The following LAMB1 variants were observed in gnomAD, a reference collection of about 807,000 sequenced individuals.
LAMB1 encodes laminin subunit beta-1.
In LAMB1, 121 loss-of-function variants were observed where a neutral mutation model predicts 222.3. The ratio of observed to expected loss-of-function variants is 0.54; its 90% CI spans 0.47 to 0.63. LAMB1 has a LOEUF of 0.63. LAMB1 is among the 30% of genes least tolerant of loss of function. LAMB1 has a pLI of 0.00. For missense variants in LAMB1, 2,172 were observed against 2,240.8 expected (o/e 0.97, Z 0.62); for synonymous variants, 794 against 807.2 (o/e 0.98, Z 0.28).
At chr7:107,984,731 T>C (rs892700525) in intron 7 of LAMB1, among the ~76,000 whole-genome samples, 1 of 152,228 alleles carries the variant, frequency 6.6e-6, no homozygotes, top group Admixed American at 6.5e-5. Context: ...TAAATTTGAA[T>C]TGCAGATAAA....
chr7:107,954,318 C>A (rs2033328553), intron 21 of LAMB1, among the ~76,000 whole-genome samples: 1 of 150,270 alleles, frequency 6.7e-6, no homozygotes, highest in Non-Finnish European at 1.5e-5. Flanking sequence ...CTACACCTGA[C>A]TAATTTTGTA....
In LAMB1 at chr7:107,959,966, C is replaced by T. The variant is rs574359179; in HGVS notation, c.2315-132G>A. The T allele has an allele frequency of 1.4e-4, 180 of 1,264,550 alleles. 1 individual carries two copies. The Admixed American group carries it at 1.9e-3, about 13-fold the overall frequency. The allele number at this position is 1,264,550 out of a possible 1,614,324, so 78.3% of individuals were successfully genotyped here. ...AAAACAGTATCATCCCTATGATGAG[C>T]GGAAGGGAAGAAAGGGGAGGCAGAG... On this transcript the variant is annotated intron_variant, in intron 18 of 33. Coordinates refer to ENST00000222399, the MANE Select transcript of LAMB1 (RefSeq NM_002291.3).
chr7:107,941,978 A>T (rs984404124), intron 24 of LAMB1: 2 of 146,662 alleles, frequency 1.4e-5, no homozygotes, highest in Non-Finnish European at 3.0e-5. Flanking sequence ...TTGGGTCAAT[A>T]GCTGTGATTT....
intron 31 of LAMB1, among the ~76,000 whole-genome samples, chr7:107,927,767 C>G (rs948921460): frequency 6.6e-6 from 1 of 152,118 alleles, no homozygotes; most frequent in Non-Finnish European, 1.5e-5. Context: ...AACAAATAGC[C>G]TGAAGAAAAA....
intron 31 of LAMB1, 139 bp downstream of exon 31, chr7:107,928,925 A>G (rs2032635785): frequency 4.8e-6 from 4 of 825,942 alleles, no homozygotes; most frequent in Non-Finnish European, 5.9e-6. Context: ...CATCCATGCT[A>G]ACGGAGTAGT....
rs2032492277 is a variant in LAMB1, at chr7:107,923,994, TTTAGGA to T, written c.5312_5317del (p.Leu1771_Lys1773delinsGln). ...CACAGCAACTTTCTGGCTTATATCC[TTTAGGA>T]GTGAACGGACTTCTCCTTCCAGTCT... On this transcript the variant is annotated inframe_deletion, in exon 34 of 34. Coordinates refer to ENST00000222399, the MANE Select transcript of LAMB1 (RefSeq NM_002291.3). 3 of 1,607,084 alleles carry T rather than the reference TTTAGGA, an allele frequency of 1.9e-6. No individual in the cohort carries two copies. Among genetic ancestry groups the T allele is most frequent in the Non-Finnish European group, 2.5e-6 (3 of 1,178,400 alleles).
At chr7:107,941,738 T>C (rs2032986438) in intron 24 of LAMB1, among the ~76,000 whole-genome samples, 1 of 145,832 alleles carries the variant, frequency 6.9e-6, no homozygotes, top group East Asian at 2.1e-4. Flanking sequence ...CACTGCAACC[T>C]CTGCCTCCTG....
At chr7:107,997,594 C>T (rs1204315485) in intron 4 of LAMB1, among the ~76,000 whole-genome samples, 1 of 152,116 alleles carries the variant, frequency 6.6e-6, no homozygotes, top group Non-Finnish European at 1.5e-5. Context: ...GGGTTAGGTT[C>T]ACTTCTTTGA....
At chr7:107,995,900 A>G (rs1345860939) in intron 4 of LAMB1, among the ~76,000 whole-genome samples, 1 of 152,014 alleles carries the variant, frequency 6.6e-6, no homozygotes, top group Non-Finnish European at 1.5e-5. Context: ...AATCAGGAGG[A>G]CCTTTTGAAA....
At chr7:107,926,838 T>G (rs2032578366) in intron 31 of LAMB1, among the ~76,000 whole-genome samples, 1 of 152,198 alleles carries the variant, frequency 6.6e-6, no homozygotes, top group South Asian at 2.1e-4. Context: ...ACTAGGGATG[T>G]TCTTTGAATT....
intron 7 of LAMB1, among the ~76,000 whole-genome samples, chr7:107,984,354 T>C (rs2034032596): frequency 6.6e-6 from 1 of 152,198 alleles, no homozygotes; most frequent in Non-Finnish European, 1.5e-5. Flanking sequence ...GTTCAAGCGA[T>C]TCTCCTGCCT....
intron 24 of LAMB1, 39 bp from the exon 25 acceptor site, chr7:107,940,397 C>G: frequency 2.5e-6 from 4 of 1,577,336 alleles, no homozygotes; most frequent in Non-Finnish European, 8.7e-7. Context: ...TCTACTTAAT[C>G]ATGAACCTCA....
At chr7:107,924,865 AAGTG>A (rs1210991528) in intron 32 of LAMB1, among the ~76,000 whole-genome samples, 1 of 152,178 alleles carries the variant, frequency 6.6e-6, no homozygotes, top group Non-Finnish European at 1.5e-5. Context: ...CATATGCAAG[AAGTG>A]AGTGAGGAGA....
chr7:107,932,787 T>C (rs1299917990), intron 27 of LAMB1, among the ~76,000 whole-genome samples: 2 of 152,108 alleles, frequency 1.3e-5, no homozygotes, highest in African/African-American at 4.8e-5. Flanking sequence ...CCATGTTAAC[T>C]CCTCCAGTAA....
intron 13 of LAMB1, among the ~76,000 whole-genome samples, chr7:107,965,444 T>C (rs1270722877): frequency 1.3e-5 from 2 of 152,010 alleles, no homozygotes; most frequent in East Asian, 3.9e-4. Flanking sequence ...CTGGGCGTGG[T>C]GGCGCAGGCC....
At chr7:107,960,366 G>A (rs2033471214) in intron 18 of LAMB1, 79 bp downstream of exon 18, 2 of 1,014,410 alleles carry the variant, frequency 2.0e-6, no homozygotes, top group African/African-American at 3.2e-5. Context: ...CTAGGGGGTG[G>A]GCACTCCACT....
chr7:107,968,128 C>T (rs919748028), intron 13 of LAMB1, among the ~76,000 whole-genome samples: 2 of 152,036 alleles, frequency 1.3e-5, no homozygotes, highest in Admixed American at 6.6e-5. Flanking sequence ...GCTCGGAGGC[C>T]CTCCCCTGCT....
Position 107,940,158 on chromosome 7 carries a change from G to A in LAMB1, c.3592C>T (p.His1198Tyr). 2 of 1,614,168 alleles carry A rather than the reference G, an allele frequency of 1.2e-6. No individual in the cohort carries two copies. Among genetic ancestry groups the A allele is most frequent in the African/African-American group, 1.3e-5 (1 of 75,040 alleles). ...VIIAELTNRTHRFLEKAKALK... is the reference protein window; with the variant it reads ...VIIAELTNRTYRFLEKAKALK... ...GCCTTGGCTTTCTCCAGGAATCTGT[G>A]TGTCCTGTTGGTCAGCTCGGCAATG... Residue 1198 changes from histidine (H) to tyrosine (Y), a missense_variant, in exon 25 of 34, where the codon CAC becomes TAC. Physicochemically the swap from His to Tyr is moderately conservative, Grantham distance 83. Transcript: ENST00000222399.
At chr7:107,929,863 GA>G (rs2032663387) in intron 29 of LAMB1, 1 of 540,612 alleles carries the variant, frequency 1.8e-6, no homozygotes, top group Non-Finnish European at 3.3e-6. Context: ...GGTAGTGAGG[GA>G]AACCTTCGTG....
Sources: allele counts gnomAD v4.1 joint callset (sites outside exome capture counted in the v4.1 genomes callset), GRCh38; gene constraint gnomAD v4.1.1; transcripts MANE v1.5; gene names NCBI Gene and HGNC (gene_info 2026-07-23, HGNC 2026-07-21).